VGLL3: variants seen among roughly 807,000 people sequenced by gnomAD.
The protein encoded by VGLL3 is transcription cofactor vestigial-like protein 3.
A neutral mutation model predicts 29.2 loss-of-function variants in VGLL3; 18 were observed. The ratio of observed to expected loss-of-function variants is 0.62; its 90% confidence interval spans 0.43 to 0.91. The LOEUF (loss-of-function observed/expected upper bound fraction) is 0.91, where lower values mean the gene tolerates loss of function less well. VGLL3 is among the 40% of genes least tolerant of loss of function. The pLI is 0.00. For synonymous variants in VGLL3, 180 were observed against 151.8 expected (o/e 1.19, Z -1.36); for missense variants, 440 against 413.2 (o/e 1.06, Z -0.56).
rs1409597642 is a variant in VGLL3, at chr3:86,946,342, TA to T, written c.*681del. 2 of 152,290 alleles carry T rather than the reference TA, an allele frequency of 1.3e-5. No homozygotes were observed. The highest frequency in any genetic ancestry group is 4.8e-5 in the African/African-American group (2 of 41,570). The allele number at this position is 152,290 out of a possible 1,614,324, so 9.4% of individuals were successfully genotyped here. On this transcript the variant is annotated 3_prime_UTR_variant, in exon 4 of 4. Coordinates refer to ENST00000398399, the MANE Select transcript of VGLL3 (RefSeq NM_016206.4). ...AAAACTAATTGAGCTAGCATGGAAT[TA>T]AATCTTTACTGAGATTCAATGTAAA... is the stretch of plus-strand genomic sequence containing the variant.
chr3:86,981,446 G>A (rs958783446), intron 1 of VGLL3, among the ~76,000 whole-genome samples: 1 of 151,786 alleles, frequency 6.6e-6, no homozygotes, highest in African/African-American at 2.4e-5. Context: ...GTTTATTTTA[G>A]AAAAAGAATT....
intron 3 of VGLL3, among the ~76,000 whole-genome samples, chr3:86,968,026 A>T (rs543198211): frequency 1.3e-5 from 2 of 152,302 alleles, no homozygotes; most frequent in African/African-American, 4.8e-5. Context: ...GAAAAGAAGG[A>T]AAGGCAAAGG....
intron 3 of VGLL3, among the ~76,000 whole-genome samples, chr3:86,950,520 G>A (rs1427888264): frequency 2.0e-5 from 3 of 152,110 alleles, no homozygotes; most frequent in African/African-American, 7.2e-5. Flanking sequence ...ACTGGCTGTA[G>A]CCTAAGTCAA....
chr3:86,951,700 CT>C (rs1401716832), intron 3 of VGLL3, among the ~76,000 whole-genome samples: 2 of 150,838 alleles, frequency 1.3e-5, no homozygotes, highest in Non-Finnish European at 2.9e-5. Flanking sequence ...AGACTCCCCC[CT>C]CTTTAGTTTA....
At chr3:86,954,048 T>C (rs899413941) in intron 3 of VGLL3, among the ~76,000 whole-genome samples, 2 of 152,218 alleles carry the variant, frequency 1.3e-5, no homozygotes, top group African/African-American at 4.8e-5. Context: ...AGCATAATAA[T>C]TTTCTGGCAA....
chr3:86,958,145 T>C (rs1056996192), intron 3 of VGLL3, among the ~76,000 whole-genome samples: 7 of 152,182 alleles, frequency 4.6e-5, no homozygotes, highest in Non-Finnish European at 1.0e-4. Context: ...CACCTCTTGA[T>C]GGTAATCGCT....
chr3:86,978,565 T>C lies in VGLL3; in HGVS notation c.364A>G (p.Ile122Val), dbSNP rs761478211. ...QAITLHPESA[I>V]SKSKMGLTPL... Reference sequence around the variant, plus strand: ...GTTAGCCCCATCTTGCTTTTTGAAATGGCAGATTCTGGATGGAGGGTGATG... The same window carrying C: ...GTTAGCCCCATCTTGCTTTTTGAAACGGCAGATTCTGGATGGAGGGTGATG... The change falls in exon 2 of 4, where the codon ATT (isoleucine) becomes GTT (valine). Residue 122 changes from isoleucine to valine, a missense_variant. Ile to Val is a conservative substitution (Grantham distance 29). Transcript: ENST00000398399. 3 of 1,614,162 alleles carry C rather than the reference T, an allele frequency of 1.9e-6. No individual in the cohort carries two copies. The highest frequency in any genetic ancestry group is 2.5e-6 in the Non-Finnish European group (3 of 1,180,014).
At chr3:86,947,231 G>A (rs535818109) in intron 3 of VGLL3, among the ~76,000 whole-genome samples, 164 bp from the exon 4 acceptor site, 1 of 152,116 alleles carries the variant, frequency 6.6e-6, no homozygotes, top group African/African-American at 2.4e-5. Context: ...TTCTGTGCTG[G>A]AGCTCACAAT....
At chr3:86,966,221 G>C (rs1704956178) in intron 3 of VGLL3, among the ~76,000 whole-genome samples, 1 of 151,940 alleles carries the variant, frequency 6.6e-6, no homozygotes, top group Non-Finnish European at 1.5e-5. Context: ...CACAGTAACG[G>C]AGCTCTAAGC....
intron 3 of VGLL3, among the ~76,000 whole-genome samples, chr3:86,955,756 A>G (rs544764367): frequency 5.3e-5 from 8 of 152,292 alleles, no homozygotes; most frequent in African/African-American, 1.9e-4. Flanking sequence ...GAGACTGTCC[A>G]ATTCAAGTAA....
chr3:86,960,210 A>G (rs181409589), intron 3 of VGLL3, among the ~76,000 whole-genome samples: 37 of 152,276 alleles, frequency 2.4e-4, no homozygotes, highest in African/African-American at 8.4e-4. Context: ...AATTTTTGTC[A>G]CTTGTGAATA....
At chr3:86,953,398 C>T (rs557345168) in intron 3 of VGLL3, among the ~76,000 whole-genome samples, 2 of 152,046 alleles carry the variant, frequency 1.3e-5, no homozygotes, top group South Asian at 4.1e-4. Context: ...TATAGATGTA[C>T]ATCTTTTAGA....
intron 3 of VGLL3, among the ~76,000 whole-genome samples, chr3:86,965,116 C>T (rs1704932028): frequency 6.6e-6 from 1 of 150,702 alleles, no homozygotes; most frequent in South Asian, 2.1e-4. Flanking sequence ...GAAATTGCGC[C>T]ACTGCACTCC....
At chr3:86,957,227 A>G (rs769289610) in intron 3 of VGLL3, among the ~76,000 whole-genome samples, 2 of 152,204 alleles carry the variant, frequency 1.3e-5, no homozygotes, top group Non-Finnish European at 2.9e-5. Flanking sequence ...ATCAATACAA[A>G]AGCACCTAGT....
rs879461102 is a variant in VGLL3, at chr3:86,954,902, C to CAAAAAAAAAAAAAAAAAAA, written c.938-7836_938-7835insTTTTTTTTTTTTTTTTTTT. Among the ~76,000 whole-genome samples, 12 of 128,140 alleles carry CAAAAAAAAAAAAAAAAAAA rather than the reference C, an allele frequency of 9.4e-5. 1 individual carries two copies. The highest frequency in any genetic ancestry group is 3.4e-4 in the African/African-American group (11 of 32,236). 84.1% of individuals were successfully genotyped at this position (128,140 alleles called of 152,430 possible). ...TCCCAGAACTGGAGAGGAGCAAAAC[C>CAAAAAAAAAAAAAAAAAAA]AAAAAAAAAAAAGCTTGGATCACTT... On this transcript the variant is annotated intron_variant, in intron 3 of 3. Coordinates refer to ENST00000398399, the MANE Select transcript of VGLL3 (RefSeq NM_016206.4).
intron 3 of VGLL3, among the ~76,000 whole-genome samples, chr3:86,963,997 G>A (rs1292711177): frequency 6.6e-6 from 1 of 152,158 alleles, no homozygotes; most frequent in Non-Finnish European, 1.5e-5. Flanking sequence ...ACACAGGGAT[G>A]ATACTGAGGG....
At chr3:86,971,370 T>A (rs576966993) in intron 2 of VGLL3, among the ~76,000 whole-genome samples, 1 of 152,212 alleles carries the variant, frequency 6.6e-6, no homozygotes, top group South Asian at 2.1e-4. Flanking sequence ...GCTATGATCA[T>A]GACCATTCAT....
chr3:86,980,046 G>A (rs968056819), intron 1 of VGLL3, among the ~76,000 whole-genome samples: 3 of 151,468 alleles, frequency 2.0e-5, no homozygotes, highest in Non-Finnish European at 4.4e-5. Flanking sequence ...TAATGCTAAA[G>A]ATATGAAATG....
chr3:86,975,399 T>A (rs1705186792), intron 2 of VGLL3, among the ~76,000 whole-genome samples: 1 of 152,166 alleles, frequency 6.6e-6, no homozygotes. Flanking sequence ...ATTCACAACT[T>A]AAGACAATTA....
Sources: allele counts gnomAD v4.1 joint callset (sites outside exome capture counted in the v4.1 genomes callset), GRCh38; gene constraint gnomAD v4.1.1; transcripts MANE v1.5; gene names NCBI Gene and HGNC (gene_info 2026-07-23, HGNC 2026-07-21).